The following RCN2 variants were observed in gnomAD, a reference collection of about 807,000 sequenced individuals.
RCN2 encodes reticulocalbin 2, also known as reticulocalbin-2.
Under a neutral mutation model 37.5 loss-of-function variants are expected in RCN2, and 23 were observed. That is an observed-to-expected ratio of 0.61 (90% CI 0.44 to 0.87). RCN2 has a LOEUF of 0.87. RCN2 is among the 40% of genes least tolerant of loss of function. The pLI, the probability that RCN2 is intolerant of heterozygous loss-of-function variation, is 0.00. For synonymous variants in RCN2, 140 were observed against 144.6 expected (o/e 0.97, Z 0.23); for missense variants, 381 against 390.4 (o/e 0.98, Z 0.20).
At position 76,948,391 on chromosome 15, in the gene RCN2, T is replaced by G. The variant is rs539466821; in HGVS notation, c.659-19T>G. The G allele has an allele frequency of 1.1e-5, 17 of 1,550,854 alleles. No homozygotes were observed. In the South Asian group the frequency reaches 2.0e-4, roughly 18 times the overall value. On this transcript the variant is annotated intron_variant, in intron 5 of 6. Coordinates refer to ENST00000394885, the MANE Select transcript of RCN2 (RefSeq NM_002902.3). ...TGTGATATTCTTGTGTATGTATATT[T>G]GTGTTTTTTTATATTAAGCTGCAAA...
intron 5 of RCN2, 37 bp downstream of exon 5, chr15:76,947,554 A>G: frequency 7.5e-7 from 1 of 1,324,774 alleles, no homozygotes; most frequent in Non-Finnish European, 1.1e-6. Context: ...GAGAAAAGGA[A>G]TTGAAGAAAG....
chr15:76,942,687 G>T (rs2075280741), intron 3 of RCN2: 1 of 152,178 alleles, frequency 6.6e-6, no homozygotes, highest in Non-Finnish European at 1.5e-5. Context: ...CATGCCTGTA[G>T]TCCCAGCATT....
chr15:76,933,077 TA>T lies in RCN2; in HGVS notation c.250+622del, dbSNP rs879486937. Among the ~76,000 whole-genome samples the T allele has an allele frequency of 4.0e-3, 592 of 147,410 alleles. 6 individuals are homozygous for T. The highest frequency in any genetic ancestry group is 0.012 in the African/African-American group (506 of 40,538). On this transcript the variant is annotated intron_variant, in intron 2 of 6. Coordinates refer to ENST00000394885, the MANE Select transcript of RCN2 (RefSeq NM_002902.3). ...AATTCAGGTTTTAATATCCTTCAGT[TA>T]AAAAAAAAAATCTGATGCTCTCAGG... is the stretch of plus-strand genomic sequence containing the variant.
At chr15:76,939,416 CT>C (rs1294540939) in intron 3 of RCN2, among the ~76,000 whole-genome samples, 1 of 152,024 alleles carries the variant, frequency 6.6e-6, no homozygotes, top group East Asian at 1.9e-4. Flanking sequence ...ATTTAATCAA[CT>C]TTTTAAAACT....
At chr15:76,932,674 TC>T (rs58342501) in intron 2 of RCN2, among the ~76,000 whole-genome samples, 7,290 of 152,292 alleles carry the variant, frequency 0.048, 523 homozygotes, top group African/African-American at 0.15. Context: ...TATATAAACA[TC>T]ATTGACCCTG....
intron 4 of RCN2, among the ~76,000 whole-genome samples, chr15:76,946,477 C>T (rs773315617): frequency 1.3e-5 from 2 of 151,902 alleles, no homozygotes; most frequent in Admixed American, 1.3e-4. Flanking sequence ...GAGGGCTAGG[C>T]GGAGTGGCTT....
chr15:76,942,420 T>C (rs537855216), intron 3 of RCN2: 1 of 152,350 alleles, frequency 6.6e-6, no homozygotes, highest in South Asian at 2.1e-4. Context: ...TATAGCATTA[T>C]TGGCTCCCAA....
At position 76,943,983 on chromosome 15, in the gene RCN2, A is replaced by AT. The variant is rs1404732465; in HGVS notation, c.561+112_561+113insT. The AT allele has an allele frequency of 3.3e-5, 8 of 245,410 alleles. No individual in the cohort carries two copies. The South Asian group carries it at 7.1e-4, about 22-fold the overall frequency. 15.2% of individuals were successfully genotyped at this position (245,410 alleles called of 1,614,324 possible). ...TATATATGTTTATGGGATACATGAG[A>AT]CTTTTTTTTTTTTTTTTTTTTTTTT... On this transcript the variant is annotated intron_variant, in intron 4 of 6. Coordinates refer to ENST00000394885, the MANE Select transcript of RCN2 (RefSeq NM_002902.3).
Position 76,948,849 on chromosome 15 carries a change from GGATTT to G in RCN2, c.802-218_802-214del, listed in dbSNP as rs1260088371. 6.8e-5 allele frequency: 38 copies of G among 557,496 alleles called. No individual in the cohort carries two copies. In the East Asian group the frequency reaches 1.1e-3, roughly 16 times the overall value. 34.5% of individuals were successfully genotyped at this position (557,496 alleles called of 1,614,324 possible). ...TCATTGCCTTGATATATCCTGGATT[GGATTT>G]GAGTGGAGAGAGACAGAACCCAGCA... On this transcript the variant is annotated intron_variant, in intron 6 of 6. Transcript: ENST00000394885.
At chr15:76,935,063 G>T (rs768853216) in intron 2 of RCN2, among the ~76,000 whole-genome samples, 1 of 152,144 alleles carries the variant, frequency 6.6e-6, no homozygotes, top group African/African-American at 2.4e-5. Context: ...GGTGGCTCAC[G>T]CCTGTAATCC....
rs1212518050 is a variant in RCN2, at chr15:76,953,594, T to TA, written c.*4372_*4373insA. ...ATATATATATATATATATATATATA[T>TA]TTTTTTTTTTTTTTTTTTTTTTTTT... On this transcript the variant is annotated 3_prime_UTR_variant, in exon 7 of 7. Transcript: ENST00000394885. 5.6e-3 allele frequency: 47 copies of TA among 8,442 alleles called. No homozygotes were observed. Among genetic ancestry groups the TA allele is most frequent in the South Asian group, 0.021 (3 of 144 alleles). The allele number at this position is 8,442 out of a possible 1,614,324, so 0.5% of individuals were successfully genotyped here.
chr15:76,936,755 G>A (rs2075251417), intron 3 of RCN2, among the ~76,000 whole-genome samples: 1 of 152,182 alleles, frequency 6.6e-6, no homozygotes, highest in African/African-American at 2.4e-5. Flanking sequence ...TTGATAGGGA[G>A]GTCTTGGAAC....
Position 76,935,708 on chromosome 15 carries a change from G to A in RCN2, c.433G>A (p.Glu145Lys). ...ENTALDDAEE[E>K]SFRKLHLKDK... The stretch of plus-strand genomic sequence containing the variant: ...CACTGCTCTGGATGATGCAGAAGAG[G>A]AGTCCTTTAGGAAGGTGAGTTCATG... The change falls in exon 3 of 7, where the codon GAG (glutamate) becomes AAG (lysine). Residue 145 changes from glutamate (E) to lysine (K), a missense_variant. Physicochemically the swap from Glu to Lys is moderately conservative, Grantham distance 56. Transcript: ENST00000394885. 6.2e-7 allele frequency: 1 copy of A among 1,612,192 alleles called. No individual in the cohort carries two copies. The highest frequency in any genetic ancestry group is 1.1e-5 in the South Asian group (1 of 90,704).
At chr15:76,947,395 T>C in intron 4 of RCN2, 26 bp from the exon 5 acceptor site, 1 of 1,461,616 alleles carries the variant, frequency 6.8e-7, no homozygotes, top group South Asian at 1.2e-5. Context: ...AACTTTTTTT[T>C]TTCTTTTTTA....
intron 3 of RCN2, chr15:76,941,693 G>C (rs1302096009): frequency 6.9e-7 from 1 of 1,445,204 alleles, no homozygotes; most frequent in Non-Finnish European, 9.3e-7. Flanking sequence ...GATTTAATGT[G>C]AGCTATTCTT....
At chr15:76,938,284 A>G (rs1235832824) in intron 3 of RCN2, among the ~76,000 whole-genome samples, 15 of 152,174 alleles carry the variant, frequency 9.9e-5, no homozygotes, top group Admixed American at 9.8e-4. Context: ...ACAATGATTT[A>G]CTCCTCATTT....
chr15:76,946,005 G>A (rs2075295261), intron 4 of RCN2, among the ~76,000 whole-genome samples: 1 of 152,222 alleles, frequency 6.6e-6, no homozygotes, highest in Non-Finnish European at 1.5e-5. Flanking sequence ...GAAGACTAAA[G>A]AGGGGAATTA....
intron 3 of RCN2, among the ~76,000 whole-genome samples, chr15:76,940,136 TGTCTCTATCTTCATGAA>T (rs1272658228): frequency 2.0e-5 from 3 of 151,918 alleles, no homozygotes; most frequent in Non-Finnish European, 4.4e-5. Flanking sequence ...CCTAGGAATA[TGTCTCTATCTTCATGAA>T]GTTCTAATCA....
At chr15:76,937,408 CCTT>C (rs2075256154) in intron 3 of RCN2, among the ~76,000 whole-genome samples, 1 of 149,908 alleles carries the variant, frequency 6.7e-6, no homozygotes, top group African/African-American at 2.4e-5. Flanking sequence ...TAAAATTACT[CCTT>C]TTTTTTTTTT....
Sources: allele counts gnomAD v4.1 joint callset (sites outside exome capture counted in the v4.1 genomes callset), GRCh38; gene constraint gnomAD v4.1.1; transcripts MANE v1.5; gene names NCBI Gene and HGNC (gene_info 2026-07-23, HGNC 2026-07-21).